CDH2: variants seen among roughly 807,000 people sequenced by gnomAD.
CDH2 encodes cadherin-2.
Under a neutral mutation model 92.0 loss-of-function variants are expected in CDH2, and 17 were observed. That is an observed-to-expected ratio of 0.18 (90% confidence interval 0.13 to 0.28). The LOEUF is 0.28. Among genes scored for constraint, CDH2 ranks in the 10% least tolerant of loss-of-function variants. CDH2 has a pLI of 1.00. For missense variants in CDH2, 862 were observed against 1,133.1 expected, an observed-to-expected ratio of 0.76 and a Z score of 3.44; for synonymous variants, 419 against 415.9, an observed-to-expected ratio of 1.01 and a Z score of -0.09.
In CDH2 at chr18:28,011,949, C is replaced by T. The variant is rs764209293; in HGVS notation, c.443G>A (p.Ser148Asn). 2.5e-6 allele frequency: 4 copies of T among 1,613,872 alleles called. No homozygotes were observed. The highest frequency in any genetic ancestry group is 3.4e-6 in the Non-Finnish European group (4 of 1,179,826). The change falls in exon 4 of 16, where the codon AGT (serine) becomes AAT (asparagine). Residue 148 changes from serine (S) to asparagine (N), a missense_variant. Coordinates refer to ENST00000269141, the MANE Select transcript of CDH2 (RefSeq NM_001792.5). ...VEEIVFPRQF[S>N]KHSGHLQRQK... is the part of the protein sequence containing the mutation. Reference sequence around the variant, plus strand: ...CCTTTGTAGGTGGCCACTGTGCTTACTGAATTGTCTTGGGAACACTATTTC... The same window carrying T: ...CCTTTGTAGGTGGCCACTGTGCTTATTGAATTGTCTTGGGAACACTATTTC...
Position 28,177,109 on chromosome 18 carries a change from A to C in CDH2, c.-87T>G, listed in dbSNP as rs1189715450. ...AGGAGGAGGAGGCAGCGGCAGCACC[A>C]ACAGCGGCGCGGAGAAACGGCTCCA... On this transcript the variant is annotated 5_prime_UTR_variant, in exon 1 of 16. Coordinates refer to ENST00000269141, the MANE Select transcript of CDH2 (RefSeq NM_001792.5). 2 of 1,001,056 alleles carry C rather than the reference A, an allele frequency of 2.0e-6. No homozygotes were observed. The highest frequency in any genetic ancestry group is 2.9e-6 in the Non-Finnish European group (2 of 700,928). 62.0% of individuals were successfully genotyped at this position (1,001,056 alleles called of 1,614,324 possible).
intron 1 of CDH2, among the ~76,000 whole-genome samples, chr18:28,169,513 C>T (rs139290107): frequency 2.0e-5 from 3 of 152,212 alleles, no homozygotes; most frequent in Non-Finnish European, 2.9e-5. Context: ...ATTTAATCCA[C>T]CCAAACATTA....
At chr18:28,048,371 C>T (rs772677268) in intron 2 of CDH2, among the ~76,000 whole-genome samples, 2 of 152,020 alleles carry the variant, frequency 1.3e-5, no homozygotes, top group Non-Finnish European at 2.9e-5. Context: ...AGTTTTGCTT[C>T]AACTATCTGC....
chr18:28,118,719 C>T (rs17463421), intron 2 of CDH2, among the ~76,000 whole-genome samples: 63 of 151,838 alleles, frequency 4.1e-4, no homozygotes, highest in South Asian at 3.7e-3. Context: ...AGACTTAGGC[C>T]GTATACCTTA....
intron 2 of CDH2, among the ~76,000 whole-genome samples, chr18:28,049,631 T>G (rs1220032): frequency 0.32 from 49,411 of 152,044 alleles, 9,019 homozygotes; most frequent in Middle Eastern, 0.43. Context: ...GCAAATGGAT[T>G]AACTCACCAC....
intron 1 of CDH2, among the ~76,000 whole-genome samples, chr18:28,154,358 C>G (rs1465500286): frequency 2.0e-5 from 3 of 152,150 alleles, no homozygotes; most frequent in African/African-American, 7.2e-5. Context: ...GTGAAATTCA[C>G]GCTGGTCAGA....
intron 15 of CDH2, among the ~76,000 whole-genome samples, chr18:27,953,573 A>G (rs188043290): frequency 1.3e-5 from 2 of 152,296 alleles, no homozygotes; most frequent in East Asian, 3.9e-4. Flanking sequence ...TTATGAGCGC[A>G]TACATGGGTT....
At chr18:28,163,541 C>G (rs2016336221) in intron 1 of CDH2, among the ~76,000 whole-genome samples, 1 of 152,194 alleles carries the variant, frequency 6.6e-6, no homozygotes. Flanking sequence ...TAGAGTATCC[C>G]TGGCATTTAT....
At chr18:28,031,027 T>C (rs910260315) in intron 2 of CDH2, among the ~76,000 whole-genome samples, 1 of 151,520 alleles carries the variant, frequency 6.6e-6, no homozygotes, top group Non-Finnish European at 1.5e-5. Context: ...AAAAACCACC[T>C]GTACCAAGAT....
chr18:28,079,166 A>G (rs535968406), intron 2 of CDH2, among the ~76,000 whole-genome samples: 40 of 152,330 alleles, frequency 2.6e-4, no homozygotes, highest in African/African-American at 8.9e-4. Context: ...TCATTTCTCA[A>G]GATAAAGCTG....
chr18:28,027,901 C>T (rs1352443209), intron 2 of CDH2, among the ~76,000 whole-genome samples: 1 of 151,580 alleles, frequency 6.6e-6, no homozygotes, highest in East Asian at 1.9e-4. Flanking sequence ...ATATCACTAC[C>T]TCTAATTAAA....
At chr18:27,978,747 G>A (rs1171443478) in intron 14 of CDH2, among the ~76,000 whole-genome samples, 1 of 151,996 alleles carries the variant, frequency 6.6e-6, no homozygotes, top group Non-Finnish European at 1.5e-5. Context: ...CGACCTCCCA[G>A]GCTCAAGCAG....
chr18:28,177,070 G>T lies in CDH2; in HGVS notation c.-48C>A. 1 of 1,370,008 alleles carries T rather than the reference G, an allele frequency of 7.3e-7. No individual in the cohort carries two copies. The highest frequency in any genetic ancestry group is 9.8e-7 in the Non-Finnish European group (1 of 1,018,752). The allele number at this position is 1,370,008 out of a possible 1,614,324, so 84.9% of individuals were successfully genotyped here. On this transcript the variant is annotated 5_prime_UTR_variant, in exon 1 of 16. Transcript: ENST00000269141. ...AAGAGCCGGAGGAGGCGGCGGCGGC[G>T]GCGGCGGCGGCGGAGGAGGAGGAGG...
At chr18:28,081,841 G>A (rs942480204) in intron 2 of CDH2, among the ~76,000 whole-genome samples, 1 of 152,156 alleles carries the variant, frequency 6.6e-6, no homozygotes, top group African/African-American at 2.4e-5. Flanking sequence ...TAAAATATAT[G>A]TGAATAATGC....
intron 2 of CDH2, among the ~76,000 whole-genome samples, chr18:28,074,724 T>C (rs1185076307): frequency 6.6e-6 from 1 of 151,814 alleles, no homozygotes; most frequent in African/African-American, 2.4e-5. Flanking sequence ...ATCTTTTTAT[T>C]CATCTTTGTT....
chr18:28,077,994 T>A (rs2014757631), intron 2 of CDH2, among the ~76,000 whole-genome samples: 1 of 152,000 alleles, frequency 6.6e-6, no homozygotes, highest in Non-Finnish European at 1.5e-5. Context: ...TCTGTGGCTA[T>A]TGCAAGGACG....
chr18:28,120,873 A>C (rs2015576817), intron 2 of CDH2, among the ~76,000 whole-genome samples: 1 of 152,164 alleles, frequency 6.6e-6, no homozygotes, highest in Non-Finnish European at 1.5e-5. Context: ...AAATGATCTT[A>C]AACTCTTAGG....
At chr18:28,038,913 A>G (rs964300221) in intron 2 of CDH2, among the ~76,000 whole-genome samples, 6 of 152,170 alleles carry the variant, frequency 3.9e-5, no homozygotes, top group Admixed American at 3.3e-4. Context: ...TACTGTCATC[A>G]CAACAACATT....
intron 2 of CDH2, among the ~76,000 whole-genome samples, chr18:28,131,510 T>C (rs1036492443): frequency 3.3e-5 from 5 of 152,216 alleles, no homozygotes; most frequent in Non-Finnish European, 7.3e-5. Context: ...GGTGATTTTA[T>C]ATTAAGATCT....
Sources: gnomAD v4.1 joint callset for allele counts (sites outside exome capture counted in the v4.1 genomes callset) on GRCh38, gnomAD v4.1.1 for gene constraint, MANE v1.5 for transcripts, NCBI Gene and HGNC (gene_info 2026-07-23, HGNC 2026-07-21) for gene names.